The following CEMIP variants were observed in gnomAD, a reference collection of about 807,000 sequenced individuals.
The protein encoded by CEMIP is cell migration inducing hyaluronidase 1.
In CEMIP, 105 loss-of-function variants were observed where a neutral mutation model predicts 156.9. The ratio of observed to expected loss-of-function variants is 0.67; its 90% CI spans 0.57 to 0.79. CEMIP has a LOEUF of 0.79. Among genes scored for constraint, CEMIP ranks in the 30% least tolerant of loss-of-function variants. The pLI is 0.00. For missense variants in CEMIP, 1,457 were observed against 1,769.4 expected (o/e 0.82, Z 3.17); for synonymous variants, 676 against 668.4 (o/e 1.01, Z -0.17).
At chr15:80,874,685 TA>T (rs1898411623) in intron 3 of CEMIP, among the ~76,000 whole-genome samples, 1 of 152,162 alleles carries the variant, frequency 6.6e-6, no homozygotes, top group African/African-American at 2.4e-5. Context: ...AATTAACATC[TA>T]GAAGTGTAAG....
At chr15:80,886,246 C>T (rs940823079) in intron 7 of CEMIP, among the ~76,000 whole-genome samples, 17 of 151,898 alleles carry the variant, frequency 1.1e-4, no homozygotes, top group African/African-American at 4.1e-4. Flanking sequence ...CATGCCTCTC[C>T]CAAAGAAGGT....
At chr15:80,836,623 A>ATTTTCTGCCTCCTTACCTCCTGAG (rs1897275796) in intron 1 of CEMIP, among the ~76,000 whole-genome samples, 1 of 146,954 alleles carries the variant, frequency 6.8e-6, no homozygotes, top group Non-Finnish European at 1.5e-5. Flanking sequence ...TTCCTCCTGG[A>ATTTTCTGCCTCCTTACCTCCTGAG]TTTTCTGCCT....
chr15:80,860,769 C>T (rs751305850), intron 1 of CEMIP, among the ~76,000 whole-genome samples: 3 of 152,126 alleles, frequency 2.0e-5, no homozygotes, highest in African/African-American at 7.2e-5. Context: ...TCTTATCACC[C>T]TCAACTTACC....
chr15:80,890,868 C>CT lies in CEMIP; in HGVS notation c.1086+1279dup, dbSNP rs1408675018. 1.1e-4 allele frequency among the ~76,000 whole-genome samples: 16 copies of CT among 152,276 alleles called. No individual in the cohort carries two copies. The South Asian group carries it at 2.5e-3, about 24-fold the overall frequency. On this transcript the variant is annotated intron_variant, in intron 10 of 29. Coordinates refer to ENST00000394685, the MANE Select transcript of CEMIP (RefSeq NM_001293298.2). The stretch of plus-strand genomic sequence containing the variant: ...TGCACTTAGCAAAGTCTGAGGAAAA[C>CT]TTTCTCATTATTTGGCTGAGACTCT...
In CEMIP at chr15:80,905,041, C is replaced by T. The variant is rs986349291; in HGVS notation, c.1412-1622C>T. On this transcript the variant is annotated intron_variant, in intron 12 of 29. Transcript: ENST00000394685. ...TAAACATCCCTAGAAACACTGCAGGCATACAGGATATGCGCAGGGTGAAGG... is the reference window on the plus strand; with the variant it reads ...TAAACATCCCTAGAAACACTGCAGGTATACAGGATATGCGCAGGGTGAAGG... Among the ~76,000 whole-genome samples the T allele has an allele frequency of 3.6e-4, 55 of 152,162 alleles. 1 individual carries two copies. The highest frequency in any genetic ancestry group is 6.5e-5 in the Admixed American group (1 of 15,272).
intron 1 of CEMIP, among the ~76,000 whole-genome samples, chr15:80,845,932 C>A (rs1897543834): frequency 6.6e-6 from 1 of 152,216 alleles, no homozygotes; most frequent in Non-Finnish European, 1.5e-5. Context: ...CTAGGAGACT[C>A]CTCCTGACAC....
At chr15:80,921,961 C>T in intron 16 of CEMIP, 48 bp from the exon 17 acceptor site, 1 of 1,612,864 alleles carries the variant, frequency 6.2e-7, no homozygotes, top group Non-Finnish European at 8.5e-7. Flanking sequence ...CCCAGGAGCT[C>T]TCTGGGGCTG....
intron 1 of CEMIP, among the ~76,000 whole-genome samples, chr15:80,807,495 G>A (rs1048222210): frequency 3.9e-5 from 6 of 152,202 alleles, no homozygotes; most frequent in Non-Finnish European, 7.3e-5. Flanking sequence ...AAAGTGTTGG[G>A]ATTACAGACA....
At chr15:80,802,766 G>A (rs187349300) in intron 1 of CEMIP, among the ~76,000 whole-genome samples, 1 of 152,168 alleles carries the variant, frequency 6.6e-6, no homozygotes, top group Non-Finnish European at 1.5e-5. Flanking sequence ...GAGGTCCTGG[G>A]TTCAAGATTC....
intron 1 of CEMIP, among the ~76,000 whole-genome samples, chr15:80,861,234 T>C (rs933770958): frequency 6.6e-6 from 1 of 152,058 alleles, no homozygotes; most frequent in Non-Finnish European, 1.5e-5. Flanking sequence ...CAGGCTGCAC[T>C]CCTATTCCCC....
chr15:80,876,463 C>G (rs536867072), intron 3 of CEMIP, among the ~76,000 whole-genome samples: 1 of 152,318 alleles, frequency 6.6e-6, no homozygotes, highest in South Asian at 2.1e-4. Flanking sequence ...TGCTTGAGCC[C>G]CTTGACATTT....
chr15:80,826,632 G>A (rs1418466379), intron 1 of CEMIP, among the ~76,000 whole-genome samples: 7 of 152,240 alleles, frequency 4.6e-5, no homozygotes, highest in Middle Eastern at 3.4e-3. Context: ...TCCACCTTTC[G>A]CTGTTATAAT....
At position 80,906,541 on chromosome 15, in the gene CEMIP, C is replaced by A. The variant is rs1899811432; in HGVS notation, c.1412-122C>A. 3.2e-6 allele frequency: 3 copies of A among 941,748 alleles called. No individual in the cohort carries two copies. The East Asian group carries it at 7.4e-5, about 23-fold the overall frequency. 58.3% of individuals were successfully genotyped at this position (941,748 alleles called of 1,614,324 possible). A position where few individuals can be genotyped will look rare whatever the true frequency, so the allele number is the denominator to read the frequency against. On this transcript the variant is annotated intron_variant, in intron 12 of 29. Coordinates refer to ENST00000394685, the MANE Select transcript of CEMIP (RefSeq NM_001293298.2). This position sits in a 1 kb window ranked among gnomAD's most constrained non-coding sequence, Gnocchi z 4.3. ...ACCTTCATCCTTCTGTAACATGAGA[C>A]CACTGTGCACACCAGGCATGGCGAT...
intron 14 of CEMIP, among the ~76,000 whole-genome samples, chr15:80,914,864 T>A (rs1900205865): frequency 6.6e-6 from 1 of 151,806 alleles, no homozygotes; most frequent in Non-Finnish European, 1.5e-5. Flanking sequence ...ATTACTCAGA[T>A]CAGTCTCCCC....
At chr15:80,806,435 G>A (rs931689844) in intron 1 of CEMIP, among the ~76,000 whole-genome samples, 1 of 152,170 alleles carries the variant, frequency 6.6e-6, no homozygotes, top group Non-Finnish European at 1.5e-5. Context: ...CATGGTGAGC[G>A]CTCATAGAAG....
At chr15:80,820,193 A>G (rs962363635) in intron 1 of CEMIP, among the ~76,000 whole-genome samples, 8 of 152,160 alleles carry the variant, frequency 5.3e-5, no homozygotes, top group Non-Finnish European at 1.0e-4. Context: ...ATTTTCCTCT[A>G]TTTAATCTGG....
intron 1 of CEMIP, among the ~76,000 whole-genome samples, chr15:80,804,787 T>G (rs911682131): frequency 2.0e-5 from 3 of 152,140 alleles, no homozygotes; most frequent in Admixed American, 1.3e-4. Context: ...CTCTGGTTGA[T>G]GATAAGGGGA....
chr15:80,796,357 G>A (rs57598492), intron 1 of CEMIP, among the ~76,000 whole-genome samples: 37,075 of 152,098 alleles, frequency 0.24, 4,591 homozygotes, highest in South Asian at 0.31. Flanking sequence ...GCAAATGGAT[G>A]GGGCTGCAGT....
At chr15:80,900,638 G>GTGTGTGTGTGTC (rs1567090927) in intron 12 of CEMIP, among the ~76,000 whole-genome samples, 3,512 of 100,118 alleles carry the variant, frequency 0.035, 85 homozygotes, top group Middle Eastern at 0.059. Flanking sequence ...GTGTGTGTGT[G>GTGTGTGTGTGTC]TGTGTGTGTG....
Sources: allele counts gnomAD v4.1 joint callset (sites outside exome capture counted in the v4.1 genomes callset), GRCh38; gene constraint gnomAD v4.1.1; non-coding constraint Gnocchi (gnomAD v3.1); transcripts MANE v1.5; gene names NCBI Gene and HGNC (gene_info 2026-07-23, HGNC 2026-07-21).